The following CORO2B variants were observed in gnomAD, a reference collection of about 807,000 sequenced individuals.
CORO2B encodes coronin-2B.
In CORO2B, 26 loss-of-function variants were observed where a neutral mutation model predicts 58.8. The ratio of observed to expected loss-of-function variants is 0.44; its 90% confidence interval spans 0.32 to 0.61. CORO2B has a LOEUF of 0.61. Among genes scored for constraint, CORO2B ranks in the 20% least tolerant of loss-of-function variants. The pLI is 0.04. For synonymous variants in CORO2B, 242 were observed against 253.8 expected (o/e 0.95, Z 0.44); for missense variants, 460 against 645.1 (o/e 0.71, Z 3.11).
chr15:68,530,097 G>A, the CORO2B span, among the ~76,000 whole-genome samples: 1 of 152,192 alleles, frequency 6.6e-6, no homozygotes, highest in Non-Finnish European at 1.5e-5. Context: ...GGCCGAGGCG[G>A]GTGGATCACG....
At chr15:68,555,137 C>T in the CORO2B span, among the ~76,000 whole-genome samples, 58 of 152,184 alleles carry the variant, frequency 3.8e-4, 1 homozygote, top group Admixed American at 3.4e-3. Flanking sequence ...TGACGTCAGA[C>T]TCTTGGTTTC....
At chr15:68,621,405 G>C (rs371381473) in intron 1 of CORO2B, among the ~76,000 whole-genome samples, 1 of 152,200 alleles carries the variant, frequency 6.6e-6, no homozygotes, top group East Asian at 1.9e-4. Flanking sequence ...GAGAGGCTTC[G>C]CAGCGCTGGA....
At chr15:68,619,063 A>C (rs901390975) in intron 1 of CORO2B, among the ~76,000 whole-genome samples, 1 of 152,204 alleles carries the variant, frequency 6.6e-6, no homozygotes, top group African/African-American at 2.4e-5. Flanking sequence ...GCAGCCCCAG[A>C]TACAATTACA....
chr15:68,664,368 C>T (rs191380015), intron 2 of CORO2B, among the ~76,000 whole-genome samples: 29 of 152,256 alleles, frequency 1.9e-4, no homozygotes, highest in African/African-American at 6.5e-4. Flanking sequence ...GAGTTATTGG[C>T]GGGGCATGGT....
chr15:68,673,697 C>T (rs757068342), intron 2 of CORO2B, among the ~76,000 whole-genome samples: 1 of 151,726 alleles, frequency 6.6e-6, no homozygotes, highest in Non-Finnish European at 1.5e-5. Flanking sequence ...ATTAGCCAGG[C>T]GTGGTGGCAT....
the CORO2B span, among the ~76,000 whole-genome samples, chr15:68,567,116 C>T: frequency 6.6e-6 from 1 of 152,156 alleles, no homozygotes; most frequent in African/African-American, 2.4e-5. Flanking sequence ...ATACCATGTG[C>T]TTAGAAATAG....
At chr15:68,561,003 G>A in the CORO2B span, among the ~76,000 whole-genome samples, 1 of 152,152 alleles carries the variant, frequency 6.6e-6, no homozygotes, top group East Asian at 1.9e-4. Flanking sequence ...TTTAGGAGGG[G>A]CCATATTTCC....
At chr15:68,602,451 G>A (rs1014192353) in intron 1 of CORO2B, among the ~76,000 whole-genome samples, 15 of 119,744 alleles carry the variant, frequency 1.3e-4, no homozygotes, top group African/African-American at 4.2e-4. Flanking sequence ...ACACACACAC[G>A]TTTTACCTAC....
intron 3 of CORO2B, among the ~76,000 whole-genome samples, chr15:68,709,446 AT>A (rs1163546315): frequency 3.6e-5 from 5 of 138,802 alleles, no homozygotes; most frequent in Non-Finnish European, 6.0e-5. Context: ...TTTCGAAAAG[AT>A]TTTTTTTTCG....
rs1318703579 is a variant in CORO2B at position 68,669,212 on chromosome 15, C to CT, written c.216+23852_216+23853insT. ...GAAGCAAGCAAGCAAGCAAGCAAGC[C>CT]GGAGACAGGACTCGGCCTTGAGAAG... On this transcript the variant is annotated intron_variant, in intron 2 of 11. Coordinates refer to ENST00000261861, the MANE Select transcript of CORO2B (RefSeq NM_006091.5). Among the ~76,000 whole-genome samples the CT allele has an allele frequency of 3.3e-4, 48 of 144,924 alleles. 1 individual carries two copies. Among genetic ancestry groups the CT allele is most frequent in the African/African-American group, 1.2e-3 (47 of 39,482 alleles).
chr15:68,715,444 C>T (rs529795102), intron 8 of CORO2B, 133 bp downstream of exon 8: 1 of 643,466 alleles, frequency 1.6e-6, no homozygotes, highest in South Asian at 1.9e-5. Context: ...TGGAACAGAA[C>T]CTGCAAGAGC....
intron 2 of CORO2B, among the ~76,000 whole-genome samples, chr15:68,690,500 G>C: frequency 6.6e-6 from 1 of 152,040 alleles, no homozygotes; most frequent in Middle Eastern, 3.4e-3. Flanking sequence ...TTCTTACTAC[G>C]CACACATACA....
At chr15:68,534,771 G>A in the CORO2B span, among the ~76,000 whole-genome samples, 1 of 152,134 alleles carries the variant, frequency 6.6e-6, no homozygotes, top group Non-Finnish European at 1.5e-5. Context: ...ACCCAAGACT[G>A]GGTAATTTAT....
chr15:68,676,157 A>T (rs1038184813), intron 2 of CORO2B, among the ~76,000 whole-genome samples: 5 of 152,212 alleles, frequency 3.3e-5, no homozygotes, highest in Admixed American at 3.3e-4. Context: ...GCAAGGGCAC[A>T]GTGTGGGCAG....
chr15:68,660,976 CTTT>C (rs57270255), intron 2 of CORO2B, among the ~76,000 whole-genome samples: 1 of 147,220 alleles, frequency 6.8e-6, no homozygotes, highest in Non-Finnish European at 1.5e-5. Context: ...TGTAATGAGT[CTTT>C]TTTTTTTTTC....
chr15:68,714,432 G>C, intron 6 of CORO2B, 127 bp from the exon 7 acceptor site: 1 of 727,358 alleles, frequency 1.4e-6, no homozygotes, highest in East Asian at 2.5e-5. Flanking sequence ...CCCATAGGAC[G>C]GGCTTTTTAA....
At position 68,579,122 on chromosome 15, in the gene CORO2B, G is replaced by A; in HGVS notation, c.-141G>A. The A allele has an allele frequency of 1.0e-6, 1 of 982,172 alleles. No homozygotes were observed. Among genetic ancestry groups the A allele is most frequent in the East Asian group, 1.2e-4 (1 of 8,686 alleles). The allele number at this position is 982,172 out of a possible 1,614,324, so 60.8% of individuals were successfully genotyped here. ...CTGCGCGCTGCCCGCCCGGAGCGCA[G>A]CCCCCAGGCTCGGCCGAGCCGCCGG... On this transcript the variant is annotated 5_prime_UTR_variant, in exon 1 of 12. Coordinates refer to ENST00000261861, the MANE Select transcript of CORO2B (RefSeq NM_006091.5).
intron 2 of CORO2B, among the ~76,000 whole-genome samples, chr15:68,693,689 A>G (rs12910529): frequency 0.81 from 123,631 of 152,136 alleles, 54,407 homozygotes; most frequent in East Asian, 1. Flanking sequence ...ACCCCCTCCC[A>G]GGAAGTCATG....
At chr15:68,656,852 G>A (rs1331217904) in intron 2 of CORO2B, among the ~76,000 whole-genome samples, 1 of 152,196 alleles carries the variant, frequency 6.6e-6, no homozygotes, top group Non-Finnish European at 1.5e-5. Context: ...CTGTTCTGAG[G>A]ATTCAGTGAG....
Sources: gnomAD v4.1 joint callset for allele counts (sites outside exome capture counted in the v4.1 genomes callset) on GRCh38, gnomAD v4.1.1 for gene constraint, MANE v1.5 for transcripts, NCBI Gene and HGNC (gene_info 2026-07-23, HGNC 2026-07-21) for gene names.